Variants in ZSWIM4 observed in about 807,000 individuals in gnomAD.
The protein encoded by ZSWIM4 is zinc finger SWIM-type containing 4, also known as zinc finger SWIM domain-containing protein 4.
Under a neutral mutation model 102.5 loss-of-function variants are expected in ZSWIM4, and 62 were observed. That is an observed-to-expected ratio of 0.60 (90% confidence interval 0.49 to 0.75). The LOEUF (loss-of-function observed/expected upper bound fraction) is 0.75. Ranked by LOEUF, ZSWIM4 falls within the 30% of genes least tolerant of loss-of-function variation. The pLI, the probability that ZSWIM4 is intolerant of heterozygous loss-of-function variation, is 0.00. For missense variants in ZSWIM4, 1,280 were observed against 1,529.6 expected (o/e 0.84, Z 2.72); for synonymous variants, 652 against 674.5 (o/e 0.97, Z 0.52).
At chr19:13,819,840 G>GTTTTTTT (rs1568340816) in intron 10 of ZSWIM4, among the ~76,000 whole-genome samples, 1 of 139,348 alleles carries the variant, frequency 7.2e-6, no homozygotes, top group African/African-American at 2.7e-5. Flanking sequence ...GCTAATTTTT[G>GTTTTTTT]TTTTTTGTTT....
intron 3 of ZSWIM4, among the ~76,000 whole-genome samples, chr19:13,807,687 C>T (rs924372051): frequency 2.8e-5 from 4 of 144,508 alleles, no homozygotes; most frequent in Non-Finnish European, 6.0e-5. Context: ...AATGGATGAG[C>T]TGGTGGCGTT....
At chr19:13,822,094 A>C (rs1975479423) in intron 10 of ZSWIM4, among the ~76,000 whole-genome samples, 1 of 151,764 alleles carries the variant, frequency 6.6e-6, no homozygotes, top group African/African-American at 2.4e-5. Context: ...GGTTGGTCTC[A>C]AATTCCTGGC....
intron 11 of ZSWIM4, 121 bp downstream of exon 11, chr19:13,823,621 C>A: frequency 8.2e-7 from 1 of 1,216,618 alleles, no homozygotes; most frequent in Non-Finnish European, 1.1e-6. Flanking sequence ...ATTCTTTGAG[C>A]ACCTCCTATA....
chr19:13,820,288 T>G (rs867462039), intron 10 of ZSWIM4, among the ~76,000 whole-genome samples: 1 of 152,170 alleles, frequency 6.6e-6, no homozygotes, highest in Middle Eastern at 3.4e-3. Flanking sequence ...CAGGCCAGAG[T>G]AAAGTGGTGC....
rs764812640 is a variant in ZSWIM4 at position 13,805,046 on chromosome 19, G to A, written c.610G>A (p.Val204Met). 1.9e-6 allele frequency: 3 copies of A among 1,610,670 alleles called. No homozygotes were observed. The highest frequency in any genetic ancestry group is 2.2e-5 in the East Asian group (1 of 44,884). The change falls in exon 3 of 14, where the codon GTG becomes ATG. Residue 204 changes from valine to methionine, a missense_variant. Transcript: ENST00000590508. The stretch of plus-strand genomic sequence containing the variant: ...GAACCGGGACCAGCTGCAGAAGTTC[G>A]TGCAGTACCTCATCAGCGCCCATCA... Reference protein sequence around the residue: ...QMNRDQLQKFVQYLISAHHTE... With the variant: ...QMNRDQLQKFMQYLISAHHTE...
chr19:13,800,009 C>T (rs1390256035), intron 2 of ZSWIM4, 88 bp downstream of exon 2: 3 of 1,350,350 alleles, frequency 2.2e-6, no homozygotes, highest in South Asian at 2.5e-5. Flanking sequence ...GGCCTGGGGC[C>T]AGGGGATGGG....
rs1308781852 is a variant in ZSWIM4, at chr19:13,814,868, C to G, written c.1531+3C>G. 4 of 1,237,378 alleles carry G rather than the reference C, an allele frequency of 3.2e-6. No individual in the cohort carries two copies. The highest frequency in any genetic ancestry group is 4.2e-6 in the Non-Finnish European group (4 of 952,724). The allele number at this position is 1,237,378 out of a possible 1,614,324, so 76.6% of individuals were successfully genotyped here. A position where few individuals can be genotyped will look rare whatever the true frequency, so the allele number is the denominator to read the frequency against. Reference sequence around the variant, plus strand: ...GAGCTACAAGCAGCAGAAAAAAGGTCAGCCTCAGCCGGGCACGGGGGCTCG... The same window carrying G: ...GAGCTACAAGCAGCAGAAAAAAGGTGAGCCTCAGCCGGGCACGGGGGCTCG... On this transcript the variant is annotated splice_donor_region_variant and intron_variant, in intron 7 of 13. Coordinates refer to ENST00000590508, the MANE Select transcript of ZSWIM4 (RefSeq NM_001367834.3).
intron 3 of ZSWIM4, among the ~76,000 whole-genome samples, chr19:13,808,390 G>A (rs1030169166): frequency 6.6e-6 from 1 of 151,846 alleles, no homozygotes; most frequent in African/African-American, 2.4e-5. Context: ...ATGGGTGGGT[G>A]GGGTTTAGGT....
In ZSWIM4 at chr19:13,825,787, G is replaced by A. The variant is rs566258887; in HGVS notation, c.2379+74G>A. 1.8e-5 allele frequency: 28 copies of A among 1,515,782 alleles called. 1 individual carries two copies. In the South Asian group the frequency reaches 1.9e-4, roughly 10 times the overall value. 93.9% of individuals were successfully genotyped at this position (1,515,782 alleles called of 1,614,324 possible). On this transcript the variant is annotated intron_variant, in intron 12 of 13. Transcript: ENST00000590508. The surrounding 1 kb of genome is among the most constrained non-coding windows in gnomAD (Gnocchi z 4.6). ...GGACTGACTGTGAGCTGCGCCTCCCGGGGCATGGGCTGAGTGTGAGCCACT... is the reference window on the plus strand; with the variant it reads ...GGACTGACTGTGAGCTGCGCCTCCCAGGGCATGGGCTGAGTGTGAGCCACT...
chr19:13,801,907 G>C (rs1311687059), intron 2 of ZSWIM4, among the ~76,000 whole-genome samples: 11 of 150,972 alleles, frequency 7.3e-5, no homozygotes, highest in Non-Finnish European at 1.3e-4. Flanking sequence ...CTGACCTCGT[G>C]ATCCACCCGC....
intron 2 of ZSWIM4, 123 bp downstream of exon 2, chr19:13,800,044 GC>G: frequency 1.2e-6 from 1 of 811,980 alleles, no homozygotes; most frequent in Non-Finnish European, 1.9e-6. Context: ...AGGCTTCGAG[GC>G]CCAGATAGGA....
At chr19:13,816,666 A>T (rs1376422022) in intron 7 of ZSWIM4, among the ~76,000 whole-genome samples, 1 of 152,060 alleles carries the variant, frequency 6.6e-6, no homozygotes, top group Admixed American at 6.6e-5. Context: ...GATGTGCAGG[A>T]GTTACCCAGG....
At position 13,813,986 on chromosome 19, in the gene ZSWIM4, GC is replaced by G. The variant is rs1255734406; in HGVS notation, c.1181-527del. ...GCAAGTAGGAAGAGGAAGACAGACA[GC>G]CAGTTAGTTGCTCAACCTCAGTTTC... is the stretch of plus-strand genomic sequence containing the variant. On this transcript the variant is annotated intron_variant, in intron 6 of 13. Transcript: ENST00000590508. 5.3e-5 allele frequency among the ~76,000 whole-genome samples: 8 copies of G among 150,824 alleles called. No homozygotes were observed. In the South Asian group the frequency reaches 1.5e-3, roughly 28 times the overall value.
In ZSWIM4 at chr19:13,817,769, C is replaced by T; in HGVS notation, c.1717C>T (p.Pro573Ser). 1 of 1,603,238 alleles carries T rather than the reference C, an allele frequency of 6.2e-7. No homozygotes were observed. Among genetic ancestry groups the T allele is most frequent in the Non-Finnish European group, 8.5e-7 (1 of 1,176,174 alleles). ...RKVAYQHVPV[P>S]GSPGESYLVL... The stretch of plus-strand genomic sequence containing the variant: ...GGTGGCCTACCAGCACGTGCCTGTG[C>T]CCGGGAGCCCTGGGGAGTCCTACTT... The change falls in exon 9 of 14, where the codon CCC becomes TCC. Residue 573 changes from proline (P) to serine (S), a missense_variant. By Grantham distance (74) the Pro-to-Ser change is moderately conservative (BLOSUM62 -1). Transcript: ENST00000590508.
chr19:13,815,130 C>T (rs74964129), intron 7 of ZSWIM4: 2,815 of 163,652 alleles, frequency 0.017, 81 homozygotes, highest in African/African-American at 0.061. Context: ...CCACTGCACT[C>T]TAGCCTGGGT....
intron 1 of ZSWIM4, among the ~76,000 whole-genome samples, 170 bp downstream of exon 1, chr19:13,795,971 C>A (rs1245287651): frequency 6.6e-6 from 1 of 150,720 alleles, no homozygotes; most frequent in Non-Finnish European, 1.5e-5. Flanking sequence ...CCTCATCCTC[C>A]TGTTTCTGTC....
chr19:13,802,858 C>T (rs373415876), intron 2 of ZSWIM4, among the ~76,000 whole-genome samples: 2 of 152,248 alleles, frequency 1.3e-5, no homozygotes, highest in Admixed American at 1.3e-4. Flanking sequence ...GGATTACAGG[C>T]GTGACCCACC....
rs367837467 is a variant in ZSWIM4, at chr19:13,808,951, G to A, written c.828G>A (p.Gly276=). ...TACTGTCCAATGGCGGCTACTACGG[G>A]GCCAGCCAGCAGCTGCGCTCCATGT... ...KQLLSNGGYY[G]ASQQLRSMFS... The change falls in exon 4 of 14, where the codon GGG becomes GGA. Residue 276 remains glycine, a synonymous_variant. Coordinates refer to ENST00000590508, the MANE Select transcript of ZSWIM4 (RefSeq NM_001367834.3). 4.6e-5 allele frequency: 74 copies of A among 1,609,802 alleles called. 1 individual carries two copies. Among genetic ancestry groups the A allele is most frequent in the Non-Finnish European group, 5.2e-5 (61 of 1,178,304 alleles).
At chr19:13,820,479 G>A (rs1414418419) in intron 10 of ZSWIM4, among the ~76,000 whole-genome samples, 1 of 152,108 alleles carries the variant, frequency 6.6e-6, no homozygotes, top group Admixed American at 6.6e-5. Context: ...CAAGTGATCC[G>A]CCCACCTTGG....
Sources: gnomAD v4.1 joint callset for allele counts (sites outside exome capture counted in the v4.1 genomes callset) on GRCh38, gnomAD v4.1.1 for gene constraint, Gnocchi (gnomAD v3.1) non-coding constraint, MANE v1.5 for transcripts, NCBI Gene and HGNC (gene_info 2026-07-23, HGNC 2026-07-21) for gene names.